Variants in ARHGAP19 observed in about 807,000 individuals in gnomAD.
ARHGAP19 encodes Rho GTPase activating protein 19.
ARHGAP19 carries 48 observed loss-of-function variants against 60.9 expected under a neutral mutation model. The ratio of observed to expected loss-of-function variants is 0.79; its 90% CI spans 0.62 to 1.00. The LOEUF (loss-of-function observed/expected upper bound fraction) is 1.00, where lower values mean the gene tolerates loss of function less well. ARHGAP19 is among the 50% of genes least tolerant of loss of function. The probability of loss-of-function intolerance (pLI) is 0.00; values close to 1 mark genes in which losing one functional copy is unlikely to be tolerated. For synonymous variants in ARHGAP19, 209 were observed against 215.5 expected, an observed-to-expected ratio of 0.97 and a Z score of 0.27; for missense variants, 562 against 597.2, an observed-to-expected ratio of 0.94 and a Z score of 0.61.
At chr10:97,260,056 C>T (rs1003164409) in intron 4 of ARHGAP19, among the ~76,000 whole-genome samples, 1 of 149,648 alleles carries the variant, frequency 6.7e-6, no homozygotes, top group Non-Finnish European at 1.5e-5. Context: ...AGGATGGTCT[C>T]GATCTCCTGA....
At chr10:97,253,049 C>G (rs1842708643) in intron 6 of ARHGAP19, among the ~76,000 whole-genome samples, 2 of 152,084 alleles carry the variant, frequency 1.3e-5, no homozygotes, top group Non-Finnish European at 2.9e-5. Context: ...TAACCAGGCA[C>G]AGAAAGACAG....
In ARHGAP19 at chr10:97,265,959, C is replaced by G. The variant is rs531509379; in HGVS notation, c.223G>C (p.Glu75Gln). ...ITRLIDLPGT[E>Q]LAQLMGEVDL... is the part of the protein sequence containing the mutation. ...ACTTCCCCCATCAGCTGAGCCAACT[C>G]AGTTCCAGGTAAATCGATGAGCCTT... Residue 75 changes from glutamate to glutamine, a missense_variant, in exon 2 of 12, where the codon GAG (glutamate) becomes CAG (glutamine). Glu to Gln is a conservative substitution (Grantham distance 29). Transcript: ENST00000358531. The G allele has an allele frequency of 1.9e-6, 3 of 1,614,188 alleles. No homozygotes were observed. The South Asian group carries it at 3.3e-5, about 18-fold the overall frequency.
chr10:97,240,560 A>C (rs1033857075), intron 8 of ARHGAP19, among the ~76,000 whole-genome samples: 1 of 152,206 alleles, frequency 6.6e-6, no homozygotes, highest in Admixed American at 6.6e-5. Context: ...TTGAGGCAGG[A>C]GAATTGCTTG....
chr10:97,237,283 C>A (rs369304998), intron 8 of ARHGAP19, among the ~76,000 whole-genome samples: 196 of 100,974 alleles, frequency 1.9e-3, no homozygotes, highest in African/African-American at 6.5e-3. Context: ...AAAAAAAAAA[C>A]TCAGTCTACG....
At chr10:97,258,940 C>A (rs529344125) in intron 5 of ARHGAP19, among the ~76,000 whole-genome samples, 2 of 152,204 alleles carry the variant, frequency 1.3e-5, no homozygotes, top group South Asian at 4.1e-4. Flanking sequence ...ACAGGAAATA[C>A]AAAAGTCAGG....
rs561739821 is a variant in ARHGAP19 at position 97,292,505 on chromosome 10, G to C, written c.56+67C>G. The C allele has an allele frequency of 2.5e-6, 4 of 1,585,034 alleles. No individual in the cohort carries two copies. In the Admixed American group the frequency reaches 6.7e-5, roughly 27 times the overall value. On this transcript the variant is annotated intron_variant, in intron 1 of 11. Coordinates refer to ENST00000358531, the MANE Select transcript of ARHGAP19 (RefSeq NM_032900.6). Reference sequence around the variant, plus strand: ...CGAACCGTGCGCCTCCGTGACCCAAGGCAAAGGCGGCAGGACTACCAGCCC... The same window carrying C: ...CGAACCGTGCGCCTCCGTGACCCAACGCAAAGGCGGCAGGACTACCAGCCC...
chr10:97,255,037 T>C (rs1842735242), intron 6 of ARHGAP19, among the ~76,000 whole-genome samples: 1 of 151,998 alleles, frequency 6.6e-6, no homozygotes, highest in Non-Finnish European at 1.5e-5. Context: ...AGATGGAAGG[T>C]AGAATGGTGG....
chr10:97,269,283 T>C (rs1452614674), intron 1 of ARHGAP19, among the ~76,000 whole-genome samples: 1 of 152,212 alleles, frequency 6.6e-6, no homozygotes, highest in African/African-American at 2.4e-5. Flanking sequence ...ACTTATTACA[T>C]GATTTAATCA....
intron 1 of ARHGAP19, among the ~76,000 whole-genome samples, chr10:97,268,935 T>G (rs992259827): frequency 2.6e-5 from 4 of 152,338 alleles, no homozygotes; most frequent in African/African-American, 9.6e-5. Flanking sequence ...AATGGCTTGT[T>G]CTAATCTTTA....
chr10:97,229,867 A>T lies in ARHGAP19; in HGVS notation c.1292T>A (p.Val431Asp), dbSNP rs1850971892. ...TTCTGACATCATCTGATTTCCCAGG[A>T]CCTTCCGCTGATTTAAGAACAGAAA... ...RSFSGLIKRK[V>D]LGNQMMSEKK... Residue 431 changes from valine to aspartate, a missense_variant, in exon 10 of 12, where the codon GTC (valine) becomes GAC (aspartate). Val to Asp is a radical substitution (Grantham distance 152). Transcript: ENST00000358531. The T allele has an allele frequency of 1.2e-6, 2 of 1,603,790 alleles. No individual in the cohort carries two copies. The highest frequency in any genetic ancestry group is 1.7e-6 in the Non-Finnish European group (2 of 1,173,414).
Position 97,225,443 on chromosome 10 carries a change from C to T in ARHGAP19, c.*679G>A, listed in dbSNP as rs1037572507. 1 of 152,288 alleles carries T rather than the reference C, an allele frequency of 6.6e-6. No homozygotes were observed. The highest frequency in any genetic ancestry group is 1.9e-4 in the East Asian group (1 of 5,180). 9.4% of individuals were successfully genotyped at this position (152,288 alleles called of 1,614,324 possible). A position where few individuals can be genotyped will look rare whatever the true frequency, so the allele number is the denominator to read the frequency against. On this transcript the variant is annotated 3_prime_UTR_variant, in exon 12 of 12. Coordinates refer to ENST00000358531, the MANE Select transcript of ARHGAP19 (RefSeq NM_032900.6). ...TTAAAATACTGTATCATTCTGAATT[C>T]TCCTTTTTCAATACTGCAGGTCAAA...
chr10:97,256,933 A>G lies in ARHGAP19; in HGVS notation c.841-529T>C, dbSNP rs574864586. Among the ~76,000 whole-genome samples the G allele has an allele frequency of 3.3e-5, 5 of 152,230 alleles. No individual in the cohort carries two copies. In the South Asian group the frequency reaches 6.2e-4, roughly 19 times the overall value. On this transcript the variant is annotated intron_variant, in intron 5 of 11. Transcript: ENST00000358531. ...TCAGGAGATTGAGACCATCCTGGCTAACACAGTGAAACACCGTCTCTACCA... is the reference window on the plus strand; with the variant it reads ...TCAGGAGATTGAGACCATCCTGGCTGACACAGTGAAACACCGTCTCTACCA...
intron 9 of ARHGAP19, among the ~76,000 whole-genome samples, chr10:97,234,100 C>G (rs1454887947): frequency 6.6e-6 from 1 of 151,858 alleles, no homozygotes; most frequent in Non-Finnish European, 1.5e-5. Context: ...AACCCCCTCT[C>G]TACTAAAAAG....
chr10:97,238,218 T>C (rs955842303), intron 8 of ARHGAP19, among the ~76,000 whole-genome samples: 4 of 152,130 alleles, frequency 2.6e-5, no homozygotes, highest in Non-Finnish European at 5.9e-5. Context: ...GTTTTTTTAT[T>C]TTTTAGAGAC....
intron 1 of ARHGAP19, among the ~76,000 whole-genome samples, chr10:97,281,179 T>A (rs1195252790): frequency 1.4e-5 from 2 of 145,526 alleles, no homozygotes; most frequent in Non-Finnish European, 3.0e-5. Context: ...GCCTAGGAGT[T>A]CAAGACCAGT....
At chr10:97,255,374 A>C (rs1398316094) in intron 6 of ARHGAP19, among the ~76,000 whole-genome samples, 1 of 152,188 alleles carries the variant, frequency 6.6e-6, no homozygotes. Context: ...CAGGAGTTCA[A>C]GACCAGCCTG....
chr10:97,285,259 C>T (rs920166106), intron 1 of ARHGAP19, among the ~76,000 whole-genome samples: 10 of 152,128 alleles, frequency 6.6e-5, no homozygotes, highest in Non-Finnish European at 1.5e-4. Context: ...ATGTAGTTAA[C>T]ATTAATTAAC....
intron 8 of ARHGAP19, among the ~76,000 whole-genome samples, chr10:97,242,259 T>C (rs977397858): frequency 2.0e-5 from 3 of 149,608 alleles, no homozygotes; most frequent in Admixed American, 6.6e-5. Context: ...TCCTTCTCTA[T>C]AATTTTCTGT....
Position 97,244,082 on chromosome 10 carries a change from A to G in ARHGAP19, c.1071T>C (p.Asp357=). 6.2e-7 allele frequency: 1 copy of G among 1,614,070 alleles called. No homozygotes were observed. The highest frequency in any genetic ancestry group is 1.1e-5 in the South Asian group (1 of 91,072). ...LAKSQKRNRV[D]SCPHQEETQH... ...GGGTCTCCTCCTGGTGAGGGCAGGA[A>G]TCTACCCGGTTCCGTTTCTGAGACT... Residue 357 remains aspartate, a synonymous_variant, in exon 8 of 12, where the codon GAT becomes GAC. Coordinates refer to ENST00000358531, the MANE Select transcript of ARHGAP19 (RefSeq NM_032900.6).
Sources: allele counts gnomAD v4.1 joint callset (sites outside exome capture counted in the v4.1 genomes callset), GRCh38; gene constraint gnomAD v4.1.1; transcripts MANE v1.5; gene names NCBI Gene and HGNC (gene_info 2026-07-23, HGNC 2026-07-21).